DNM1: variants seen among roughly 807,000 people sequenced by gnomAD.
DNM1 encodes the protein dynamin 1, also known as dynamin-1.
DNM1 carries 29 observed loss-of-function variants against 104.6 expected under a neutral mutation model. That is an observed-to-expected ratio of 0.28 (90% confidence interval 0.21 to 0.38). DNM1 has a LOEUF of 0.38. Among genes scored for constraint, DNM1 ranks in the 10% least tolerant of loss-of-function variants. The pLI is 1.00. For missense variants in DNM1, 640 were observed against 1,189.4 expected, an observed-to-expected ratio of 0.54 and a Z score of 6.79; for synonymous variants, 445 against 475.8, an observed-to-expected ratio of 0.94 and a Z score of 0.84.
Position 128,224,106 on chromosome 9 carries a change from A to T in DNM1, c.1197-145A>T. The T allele has an allele frequency of 2.0e-6, 2 of 1,013,032 alleles. No individual in the cohort carries two copies. The highest frequency in any genetic ancestry group is 2.8e-6 in the Non-Finnish European group (2 of 722,432). The allele number at this position is 1,013,032 out of a possible 1,614,324, so 62.8% of individuals were successfully genotyped here. A position where few individuals can be genotyped will look rare whatever the true frequency, so the allele number is the denominator to read the frequency against. ...CATTAGAACCCCTCCCTCCCATTTT[A>T]CAACTGGGGACACTGAGGCCCAGAG... is the stretch of plus-strand genomic sequence containing the variant. On this transcript the variant is annotated intron_variant, in intron 9 of 21. Transcript: ENST00000372923. This position sits in a 1 kb window ranked among gnomAD's most constrained non-coding sequence, Gnocchi z 4.3.
intron 11 of DNM1, among the ~76,000 whole-genome samples, chr9:128,237,841 A>G (rs186325375): frequency 1.8e-4 from 27 of 150,344 alleles, no homozygotes; most frequent in Admixed American, 1.2e-3. Flanking sequence ...TGGTGCCATT[A>G]TGGCTCACTG....
chr9:128,227,009 C>CTTTT (rs369464140), intron 10 of DNM1, among the ~76,000 whole-genome samples: 150 of 101,768 alleles, frequency 1.5e-3, no homozygotes, highest in East Asian at 2.3e-3. Flanking sequence ...ATCTCCATTC[C>CTTTT]TTTTTTTTTT....
In DNM1 at chr9:128,220,425, A is replaced by C; in HGVS notation, c.849+84A>C. 3 of 1,539,508 alleles carry C rather than the reference A, an allele frequency of 1.9e-6. No individual in the cohort carries two copies. Among genetic ancestry groups the C allele is most frequent in the Non-Finnish European group, 2.6e-6 (3 of 1,133,822 alleles). On this transcript the variant is annotated intron_variant, in intron 6 of 21. Coordinates refer to ENST00000372923, the MANE Select transcript of DNM1 (RefSeq NM_004408.4). This position sits in a 1 kb window ranked among gnomAD's most constrained non-coding sequence, Gnocchi z 5.2. ...AGTGTGTTCTGAGAGTGAACAGCAG[A>C]GGTTAGCCTCTCCGTAGTGCAGATA...
At chr9:128,206,954 TG>T (rs1024218938) in intron 1 of DNM1, among the ~76,000 whole-genome samples, 1 of 150,630 alleles carries the variant, frequency 6.6e-6, no homozygotes, top group African/African-American at 2.5e-5. Context: ...CAGGGGGTAG[TG>T]GGGGGCCTGG....
chr9:128,223,258 G>A (rs576039676), intron 9 of DNM1: 7 of 207,466 alleles, frequency 3.4e-5, no homozygotes, highest in Middle Eastern at 4.1e-3. Context: ...CGGGGACTTT[G>A]CAATCCTCCA....
intron 19 of DNM1, among the ~76,000 whole-genome samples, chr9:128,249,056 G>A (rs1167467008): frequency 6.6e-6 from 1 of 151,942 alleles, no homozygotes; most frequent in Non-Finnish European, 1.5e-5. Context: ...AGCCAGGTGT[G>A]GTAGCGTGAG....
intron 1 of DNM1, among the ~76,000 whole-genome samples, chr9:128,215,880 C>T (rs993090223): frequency 6.6e-6 from 1 of 151,398 alleles, no homozygotes; most frequent in African/African-American, 2.4e-5. Flanking sequence ...AGAGGGTGGA[C>T]CCCCGGCCCC....
At chr9:128,233,481 G>A (rs1835822129) in intron 10 of DNM1, 1 of 155,536 alleles carries the variant, frequency 6.4e-6, no homozygotes, top group South Asian at 2.0e-4. Context: ...CCCCAGCTCT[G>A]ACAAGGAGCA....
In DNM1 at chr9:128,203,484, G is replaced by T. The variant is rs1833613277; in HGVS notation, c.14G>T (p.Gly5Val). 1.3e-6 allele frequency: 2 copies of T among 1,519,362 alleles called. No individual in the cohort carries two copies. The highest frequency in any genetic ancestry group is 1.4e-5 in the African/African-American group (1 of 69,730). 94.1% of individuals were successfully genotyped at this position (1,519,362 alleles called of 1,614,324 possible). Residue 5 changes from glycine to valine, a missense_variant, in exon 1 of 22, where the codon GGC becomes GTC. This residue lies in a region of DNM1 where 172 missense variants were observed against 335.3 expected (regional missense o/e 0.51). Coordinates refer to ENST00000372923, the MANE Select transcript of DNM1 (RefSeq NM_004408.4). This position sits in a 1 kb window ranked among gnomAD's most constrained non-coding sequence, Gnocchi z 5.3. ...CCCGCCGCAGCCATGGGCAACCGCGGCATGGAAGATCTCATCCCGCTGGTC... is the reference window on the plus strand; with the variant it reads ...CCCGCCGCAGCCATGGGCAACCGCGTCATGGAAGATCTCATCCCGCTGGTC... MGNR[G>V]MEDLIPLVNR...
chr9:128,229,669 C>T (rs908707116), intron 10 of DNM1, among the ~76,000 whole-genome samples: 9 of 145,336 alleles, frequency 6.2e-5, no homozygotes, highest in African/African-American at 2.3e-4. Flanking sequence ...CAGTCCAGTA[C>T]TTTGGGAGGC....
Position 128,240,383 on chromosome 9 carries a change from T to C in DNM1, c.1557+387T>C, listed in dbSNP as rs1024907176. ...GAGACGAATGAGAAGTCAAGAGAAG[T>C]CAAGAAGTCACTGCTCACCTGGCCT... On this transcript the variant is annotated intron_variant, in intron 14 of 21. Coordinates refer to ENST00000372923, the MANE Select transcript of DNM1 (RefSeq NM_004408.4). This position sits in a 1 kb window ranked among gnomAD's most constrained non-coding sequence, Gnocchi z 5.1. 8.3e-5 allele frequency: 20 copies of C among 241,824 alleles called. No individual in the cohort carries two copies. Among genetic ancestry groups the C allele is most frequent in the Non-Finnish European group, 4.9e-5 (6 of 122,808 alleles). 15.0% of individuals were successfully genotyped at this position (241,824 alleles called of 1,614,324 possible). A position where few individuals can be genotyped will look rare whatever the true frequency, so the allele number is the denominator to read the frequency against.
At chr9:128,205,751 G>C (rs1833914854) in intron 1 of DNM1, among the ~76,000 whole-genome samples, 2 of 152,130 alleles carry the variant, frequency 1.3e-5, no homozygotes, top group African/African-American at 4.8e-5. Flanking sequence ...AATTAGGCTT[G>C]GGGACCTGCA....
chr9:128,215,066 C>T (rs567634294), intron 1 of DNM1, among the ~76,000 whole-genome samples: 4 of 152,348 alleles, frequency 2.6e-5, no homozygotes, highest in African/African-American at 9.6e-5. Context: ...GGGGCCTGTG[C>T]CAGGCAGGAA....
intron 10 of DNM1, among the ~76,000 whole-genome samples, chr9:128,231,359 G>T (rs902654330): frequency 2.0e-5 from 3 of 151,792 alleles, no homozygotes; most frequent in Non-Finnish European, 4.4e-5. Context: ...GTGCCACCAC[G>T]CCCGGCTACT....
At position 128,240,032 on chromosome 9, in the gene DNM1, T is replaced by C. The variant is rs141176114; in HGVS notation, c.1557+36T>C. 3.9e-4 allele frequency: 625 copies of C among 1,613,492 alleles called. 6 individuals carry two copies. In the African/African-American group the frequency reaches 7.5e-3, roughly 19 times the overall value. ...GGACTGGGGCTCTCGGCTTGTGTAG[T>C]GAGGGGGCGGAGGGTCCATCGGCAG... On this transcript the variant is annotated intron_variant, in intron 14 of 21. Coordinates refer to ENST00000372923, the MANE Select transcript of DNM1 (RefSeq NM_004408.4). This position sits in a 1 kb window ranked among gnomAD's most constrained non-coding sequence, Gnocchi z 5.1.
chr9:128,235,339 C>T (rs1835948242), intron 11 of DNM1, among the ~76,000 whole-genome samples: 1 of 151,946 alleles, frequency 6.6e-6, no homozygotes, highest in Non-Finnish European at 1.5e-5. Context: ...ACTAAAAATA[C>T]AAAATTTAGC....
chr9:128,227,870 G>C (rs1255784725), intron 10 of DNM1, among the ~76,000 whole-genome samples: 6 of 151,184 alleles, frequency 4.0e-5, no homozygotes, highest in Non-Finnish European at 7.4e-5. Context: ...TTCTTTTTTA[G>C]AGACGGGGTT....
Position 128,248,852 on chromosome 9 carries a change from C to T in DNM1, c.2076+99C>T. On this transcript the variant is annotated intron_variant, in intron 19 of 21. Coordinates refer to ENST00000372923, the MANE Select transcript of DNM1 (RefSeq NM_004408.4). This position sits in a 1 kb window ranked among gnomAD's most constrained non-coding sequence, Gnocchi z 5.6. Reference sequence around the variant, plus strand: ...GAGATGCCAACCAGCCCTATGGGACCAGGTCCAGGGAGGGAGGCACGGTCC... The same window carrying T: ...GAGATGCCAACCAGCCCTATGGGACTAGGTCCAGGGAGGGAGGCACGGTCC... 3.6e-6 allele frequency: 5 copies of T among 1,376,854 alleles called. No individual in the cohort carries two copies. Among genetic ancestry groups the T allele is most frequent in the Non-Finnish European group, 5.1e-6 (5 of 983,400 alleles). The allele number at this position is 1,376,854 out of a possible 1,614,324, so 85.3% of individuals were successfully genotyped here. A position where few individuals can be genotyped will look rare whatever the true frequency, so the allele number is the denominator to read the frequency against.
intron 6 of DNM1, chr9:128,221,014 CCTTTCTTTCTCTTT>C (rs1480377350): frequency 8.8e-6 from 1 of 114,248 alleles, no homozygotes; most frequent in Non-Finnish European, 1.7e-5. Context: ...TTCCTTCCTT[CCTTTCTTTCTCTTT>C]CTTTCTTTCT....
Sources: allele counts gnomAD v4.1 joint callset (sites outside exome capture counted in the v4.1 genomes callset), GRCh38; gene constraint gnomAD v4.1.1; regional missense constraint gnomAD v4.1.1; non-coding constraint Gnocchi (gnomAD v3.1); transcripts MANE v1.5; gene names NCBI Gene and HGNC (gene_info 2026-07-23, HGNC 2026-07-21).